Variants in PRSS3 observed in about 807,000 individuals in gnomAD.
PRSS3 encodes trypsin-3.
PRSS3 carries 14 observed loss-of-function variants against 20.8 expected under a neutral mutation model. The ratio of observed to expected loss-of-function variants is 0.67; its 90% CI spans 0.44 to 1.05. The LOEUF (loss-of-function observed/expected upper bound fraction) is 1.05. PRSS3 is among the 50% of genes least tolerant of loss of function. The pLI, the probability that PRSS3 is intolerant of heterozygous loss-of-function variation, is 0.00. For missense variants in PRSS3, 237 were observed against 306.4 expected (o/e 0.77, Z 1.69); for synonymous variants, 91 against 117.6 (o/e 0.77, Z 1.46).
chr9:33,753,521 T>C (rs532827548), intron 1 of PRSS3, among the ~76,000 whole-genome samples: 2 of 152,374 alleles, frequency 1.3e-5, no homozygotes, highest in Admixed American at 1.3e-4. Context: ...ATGTACTCTT[T>C]TGGTTTGAGG....
In PRSS3 at chr9:33,798,172, C is replaced by T. The variant is rs888956214; in HGVS notation, c.454+90C>T. 8.0e-6 allele frequency: 10 copies of T among 1,249,358 alleles called. No homozygotes were observed. The African/African-American group carries it at 1.6e-4, about 19-fold the overall frequency. The allele number at this position is 1,249,358 out of a possible 1,614,324, so 77.4% of individuals were successfully genotyped here. Reference sequence around the variant, plus strand: ...CCTTTATTTGAATCCTCTTGCCTCCCGGCTTAAGACACATTTCTAGTGCCC... The same window carrying T: ...CCTTTATTTGAATCCTCTTGCCTCCTGGCTTAAGACACATTTCTAGTGCCC... On this transcript the variant is annotated intron_variant, in intron 3 of 4. Coordinates refer to ENST00000379405, the MANE Select transcript of PRSS3 (RefSeq NM_002771.4).
At chr9:33,787,130 A>ATT (rs1271181837) in intron 1 of PRSS3, among the ~76,000 whole-genome samples, 1 of 152,228 alleles carries the variant, frequency 6.6e-6, no homozygotes, top group Non-Finnish European at 1.5e-5. Flanking sequence ...CAATAAAAAC[A>ATT]ATCAGATACA....
At chr9:33,782,085 C>T (rs1036129480) in intron 1 of PRSS3, among the ~76,000 whole-genome samples, 1 of 152,240 alleles carries the variant, frequency 6.6e-6, no homozygotes, top group Non-Finnish European at 1.5e-5. Flanking sequence ...GTGCCTCTGT[C>T]ATGGCCTCCT....
At chr9:33,777,579 T>C (rs1823992170) in intron 1 of PRSS3, among the ~76,000 whole-genome samples, 3 of 145,614 alleles carry the variant, frequency 2.1e-5, no homozygotes, top group African/African-American at 5.1e-5. Flanking sequence ...GGTGGGTACC[T>C]GTAGTCCCAG....
chr9:33,786,576 G>T (rs1213190256), intron 1 of PRSS3: 1 of 766,246 alleles, frequency 1.3e-6, no homozygotes, highest in Non-Finnish European at 2.4e-6. Context: ...AGGGATATCT[G>T]TCAACGTGGA....
At chr9:33,783,202 G>T (rs953550118) in intron 1 of PRSS3, among the ~76,000 whole-genome samples, 11 of 152,168 alleles carry the variant, frequency 7.2e-5, no homozygotes, top group African/African-American at 2.7e-4. Context: ...TGCCTCTAAG[G>T]GGTTAGCAGT....
chr9:33,752,790 A>C (rs2118700805), intron 1 of PRSS3, among the ~76,000 whole-genome samples: 1 of 152,304 alleles, frequency 6.6e-6, no homozygotes, highest in Middle Eastern at 3.4e-3. Flanking sequence ...CACAAACTAC[A>C]CCGCTGGAGG....
At chr9:33,761,236 T>C (rs1443671212) in intron 1 of PRSS3, among the ~76,000 whole-genome samples, 1 of 152,252 alleles carries the variant, frequency 6.6e-6, no homozygotes, top group Non-Finnish European at 1.5e-5. Context: ...CGGTGTATAC[T>C]GTCAGTACTG....
intron 1 of PRSS3, among the ~76,000 whole-genome samples, chr9:33,779,640 C>T (rs1166413571): frequency 4.0e-5 from 6 of 151,784 alleles, no homozygotes; most frequent in Non-Finnish European, 5.9e-5. Flanking sequence ...AGGCCGAGGC[C>T]GGCAGATCAC....
At chr9:33,779,702 A>G (rs1380301253) in intron 1 of PRSS3, among the ~76,000 whole-genome samples, 1 of 151,894 alleles carries the variant, frequency 6.6e-6, no homozygotes, top group Admixed American at 6.6e-5. Flanking sequence ...CCCCGTCTCT[A>G]CTAAAAATAT....
upstream of PRSS3, among the ~76,000 whole-genome samples, chr9:33,791,975 A>G (rs558757239): frequency 2.0e-5 from 3 of 152,082 alleles, no homozygotes; most frequent in Non-Finnish European, 4.4e-5. Flanking sequence ...GGCAGGGAGG[A>G]ATGGGCTACT....
intron 1 of PRSS3, among the ~76,000 whole-genome samples, chr9:33,771,051 G>A (rs1207232870): frequency 6.6e-6 from 1 of 152,164 alleles, no homozygotes; most frequent in Non-Finnish European, 1.5e-5. Context: ...GCACAGGACA[G>A]CCCCACAACA....
intron 1 of PRSS3, among the ~76,000 whole-genome samples, chr9:33,761,090 C>T (rs1823177501): frequency 6.6e-6 from 1 of 152,202 alleles, no homozygotes; most frequent in South Asian, 2.1e-4. Flanking sequence ...CAGTCTTTCA[C>T]AAGTATTGTC....
At chr9:33,763,792 C>T (rs1466143804) in intron 1 of PRSS3, among the ~76,000 whole-genome samples, 1 of 151,698 alleles carries the variant, frequency 6.6e-6, no homozygotes, top group Non-Finnish European at 1.5e-5. Flanking sequence ...CGATTGGCTG[C>T]AACTGCCTCT....
chr9:33,790,104 T>C (rs1489567105), intron 1 of PRSS3, among the ~76,000 whole-genome samples: 1 of 152,204 alleles, frequency 6.6e-6, no homozygotes, highest in Non-Finnish European at 1.5e-5. Flanking sequence ...AGAATAAGTA[T>C]GACCCGCTCT....
intron 1 of PRSS3, among the ~76,000 whole-genome samples, chr9:33,758,761 C>T (rs1823059691): frequency 6.6e-6 from 1 of 152,046 alleles, no homozygotes; most frequent in Admixed American, 6.6e-5. Context: ...GTGATGGTAC[C>T]AACAATTTTA....
intron 3 of PRSS3, 155 bp from the exon 4 acceptor site, chr9:33,798,331 T>C (rs1470528014): frequency 7.5e-7 from 1 of 1,325,730 alleles, no homozygotes; most frequent in Admixed American, 2.0e-5. Context: ...ATGATCATTC[T>C]GGAAACTAAA....
intron 1 of PRSS3, among the ~76,000 whole-genome samples, chr9:33,759,285 G>A (rs1475749371): frequency 1.3e-5 from 2 of 152,094 alleles, no homozygotes; most frequent in Non-Finnish European, 2.9e-5. Flanking sequence ...CCTCCAGTAG[G>A]GTAGTCAGAT....
upstream of PRSS3, among the ~76,000 whole-genome samples, chr9:33,792,482 A>G (rs955874910): frequency 7.2e-5 from 11 of 152,330 alleles, no homozygotes; most frequent in Middle Eastern, 3.4e-3. Flanking sequence ...TTGAACTCTG[A>G]GTTTTAGATT....
Sources: allele counts gnomAD v4.1 joint callset (sites outside exome capture counted in the v4.1 genomes callset), GRCh38; gene constraint gnomAD v4.1.1; transcripts MANE v1.5; gene names NCBI Gene and HGNC (gene_info 2026-07-23, HGNC 2026-07-21).